WASHC4: variants seen among roughly 807,000 people sequenced by gnomAD.
WASHC4 encodes the protein WASH complex subunit 4.
WASHC4 carries 86 observed loss-of-function variants against 166.6 expected under a neutral mutation model. The observed-to-expected ratio is 0.52, with a 90% CI of 0.43 to 0.62. The LOEUF is 0.62. Among genes scored for constraint, WASHC4 ranks in the 20% least tolerant of loss-of-function variants. The pLI, the probability that WASHC4 is intolerant of heterozygous loss-of-function variation, is 0.00. For missense variants in WASHC4, 1,262 were observed against 1,382.4 expected (o/e 0.91, Z 1.38); for synonymous variants, 446 against 451.6 (o/e 0.99, Z 0.16).
chr12:105,127,401 A>G (rs1881388036), intron 13 of WASHC4, 112 bp downstream of exon 13: 1 of 863,840 alleles, frequency 1.2e-6, no homozygotes, highest in Admixed American at 2.1e-5. Flanking sequence ...AATGTACTTG[A>G]TAAGTAAGGG....
intron 2 of WASHC4, among the ~76,000 whole-genome samples, chr12:105,111,808 A>C (rs1474183107): frequency 6.6e-6 from 1 of 152,214 alleles, no homozygotes; most frequent in African/African-American, 2.4e-5. Context: ...ACCACTTGAA[A>C]AATAATTTAC....
intron 2 of WASHC4, among the ~76,000 whole-genome samples, chr12:105,113,524 A>C (rs1040860791): frequency 5.9e-5 from 9 of 152,056 alleles, no homozygotes; most frequent in African/African-American, 1.9e-4. Context: ...TGTTTTTACT[A>C]TACAAGGTTC....
At chr12:105,161,169 C>G (rs1884472432) in intron 29 of WASHC4, among the ~76,000 whole-genome samples, 1 of 152,142 alleles carries the variant, frequency 6.6e-6, no homozygotes, top group South Asian at 2.1e-4. Flanking sequence ...AGAATAGTGA[C>G]TTTTCATATT....
chr12:105,166,934 C>T lies in WASHC4; in HGVS notation c.*3C>T, dbSNP rs548839469. ...CTGCTGATCCTGTTGTGAAATGATA[C>T]GGATGGTATTCACTGCACATATGAT... On this transcript the variant is annotated 3_prime_UTR_variant, in exon 33 of 33. Transcript: ENST00000332180. 8 of 1,583,226 alleles carry T rather than the reference C, an allele frequency of 5.1e-6. No homozygotes were observed. The highest frequency in any genetic ancestry group is 2.2e-5 in the South Asian group (2 of 90,568).
chr12:105,139,192 G>A (rs1204742081), intron 15 of WASHC4, among the ~76,000 whole-genome samples: 3 of 151,842 alleles, frequency 2.0e-5, no homozygotes, highest in African/African-American at 4.8e-5. Flanking sequence ...GTTGGGATGA[G>A]TAGCACATCT....
In WASHC4 at chr12:105,120,613, C is replaced by T. The variant is rs751920565; in HGVS notation, c.561+16C>T. 3.0e-5 allele frequency: 47 copies of T among 1,567,778 alleles called. No homozygotes were observed. The East Asian group carries it at 1.0e-3, about 34-fold the overall frequency. ...TCATTTTCAGGTAAAAGACATTTAG[C>T]TTGACCTGTAAAACTGTAATTATTA... On this transcript the variant is annotated intron_variant, in intron 8 of 32. Coordinates refer to ENST00000332180, the MANE Select transcript of WASHC4 (RefSeq NM_015275.3).
chr12:105,133,640 A>G (rs1882056403), intron 13 of WASHC4, 130 bp from the exon 14 acceptor site: 6 of 731,846 alleles, frequency 8.2e-6, no homozygotes, highest in South Asian at 3.1e-5. Flanking sequence ...ATATATGTCT[A>G]TGTAATATTT....
rs1211459551 is a variant in WASHC4, at chr12:105,144,462, G to GT, written c.2179+11dup. 1.9e-6 allele frequency: 3 copies of GT among 1,580,002 alleles called. No homozygotes were observed. Among genetic ancestry groups the GT allele is most frequent in the Non-Finnish European group, 2.6e-6 (3 of 1,158,274 alleles). On this transcript the variant is annotated splice_region_variant and intron_variant, in intron 21 of 32. Coordinates refer to ENST00000332180, the MANE Select transcript of WASHC4 (RefSeq NM_015275.3). ...CGTTTCATTGACATTCGGGGTGAGTGTTTTGCTTTCCTTCTTAGAGTCATA... is the reference window on the plus strand; with the variant it reads ...CGTTTCATTGACATTCGGGGTGAGTGTTTTTGCTTTCCTTCTTAGAGTCATA...
chr12:105,157,543 G>T (rs1884248354), intron 28 of WASHC4, among the ~76,000 whole-genome samples: 1 of 152,134 alleles, frequency 6.6e-6, no homozygotes, highest in Admixed American at 6.5e-5. Context: ...TGGCTCTTGA[G>T]CACCTAAAAT....
At chr12:105,124,184 A>G (rs1881053924) in intron 10 of WASHC4, among the ~76,000 whole-genome samples, 1 of 146,994 alleles carries the variant, frequency 6.8e-6, no homozygotes, top group South Asian at 2.1e-4. Flanking sequence ...CAGTGGAGCT[A>G]TCTCGGCTCA....
chr12:105,112,116 G>A (rs1351041976), intron 2 of WASHC4, among the ~76,000 whole-genome samples: 1 of 152,122 alleles, frequency 6.6e-6, no homozygotes, highest in Non-Finnish European at 1.5e-5. Flanking sequence ...CTATGTGTTT[G>A]TCTCCTCTGT....
At chr12:105,141,409 A>G (rs1044057168) in intron 18 of WASHC4, among the ~76,000 whole-genome samples, 163 bp downstream of exon 18, 2 of 152,234 alleles carry the variant, frequency 1.3e-5, no homozygotes, top group Admixed American at 6.5e-5. Flanking sequence ...ACTAGGGATC[A>G]TATTTATTTA....
At chr12:105,131,732 G>A (rs906153583) in intron 13 of WASHC4, among the ~76,000 whole-genome samples, 2 of 152,072 alleles carry the variant, frequency 1.3e-5, no homozygotes, top group East Asian at 3.9e-4. Context: ...AAAGGACCAG[G>A]CTTTTAAAAA....
chr12:105,157,121 T>A lies in WASHC4; in HGVS notation c.2826-115T>A. 3.0e-6 allele frequency: 2 copies of A among 669,534 alleles called. 1 individual carries two copies. The highest frequency in any genetic ancestry group is 3.3e-5 in the South Asian group (2 of 59,894). 41.5% of individuals were successfully genotyped at this position (669,534 alleles called of 1,614,324 possible). On this transcript the variant is annotated intron_variant, in intron 27 of 32. Coordinates refer to ENST00000332180, the MANE Select transcript of WASHC4 (RefSeq NM_015275.3). ...TGAATAATATTACTGAAATGCACAG[T>A]TGTTTCCAAATACATAGTTGAAAAT...
intron 6 of WASHC4, among the ~76,000 whole-genome samples, chr12:105,116,863 G>T (rs1232462720): frequency 6.6e-6 from 1 of 152,136 alleles, no homozygotes; most frequent in East Asian, 1.9e-4. Flanking sequence ...AGAACAAAAA[G>T]GATAAAGATT....
At chr12:105,112,459 A>G (rs1028363163) in intron 2 of WASHC4, among the ~76,000 whole-genome samples, 1 of 152,326 alleles carries the variant, frequency 6.6e-6, no homozygotes, top group South Asian at 2.1e-4. Flanking sequence ...ATCCTGGGTT[A>G]TGTGGTAACT....
Position 105,147,054 on chromosome 12 carries a change from C to A in WASHC4, c.2422C>A (p.Arg808=). The change falls in exon 24 of 33, where the codon CGA becomes AGA. Residue 808 remains arginine, a synonymous_variant. Transcript: ENST00000332180. ...TGTTTCATTGCAGATTTTTATTGAA[C>A]GAACAAGCAATAACAAGCATTTGAA... ...YNLNNQIFIE[R]TSNNKHLNTI... is the part of the protein sequence containing the mutation. The A allele has an allele frequency of 1.9e-6, 3 of 1,600,900 alleles. No individual in the cohort carries two copies. The highest frequency in any genetic ancestry group is 2.6e-6 in the Non-Finnish European group (3 of 1,168,114).
intron 31 of WASHC4, 78 bp from the exon 32 acceptor site, chr12:105,164,563 A>T (rs1025588269): frequency 1.9e-6 from 2 of 1,029,214 alleles, no homozygotes; most frequent in Admixed American, 2.0e-5. Flanking sequence ...AATAAGAGGC[A>T]TAAAAATGCA....
At chr12:105,149,937 C>G (rs1160018771) in intron 25 of WASHC4, among the ~76,000 whole-genome samples, 188 bp downstream of exon 25, 1 of 152,004 alleles carries the variant, frequency 6.6e-6, no homozygotes, top group African/African-American at 2.4e-5. Flanking sequence ...CCAGGTGATA[C>G]TTTTTCTTTA....
Sources: gnomAD v4.1 joint callset for allele counts (sites outside exome capture counted in the v4.1 genomes callset) on GRCh38, gnomAD v4.1.1 for gene constraint, MANE v1.5 for transcripts, NCBI Gene and HGNC (gene_info 2026-07-23, HGNC 2026-07-21) for gene names.